The following NRDC variants were observed in gnomAD, a reference collection of about 807,000 sequenced individuals.
The protein encoded by NRDC is nardilysin convertase.
Under a neutral mutation model 147.1 loss-of-function variants are expected in NRDC, and 54 were observed. That is an observed-to-expected ratio of 0.37 (90% CI 0.29 to 0.46). The LOEUF is 0.46. NRDC is among the 20% of genes least tolerant of loss of function. NRDC has a pLI of 1.00. For synonymous variants in NRDC, 440 were observed against 482.1 expected (o/e 0.91, Z 1.14); for missense variants, 1,082 against 1,370.6 (o/e 0.79, Z 3.33).
chr1:51,822,041 TTA>T lies in NRDC; in HGVS notation c.1160-488_1160-487del, dbSNP rs146337956. On this transcript the variant is annotated intron_variant, in intron 7 of 30. Coordinates refer to ENST00000352171, the MANE Select transcript of NRDC (RefSeq NM_001101662.2). ...AACTCATAGGTCTTCTTTTTAGGCT[TTA>T]TATATATATATATCATACATATATA... Among the ~76,000 whole-genome samples, 25 of 150,732 alleles carry T rather than the reference TTA, an allele frequency of 1.7e-4. No homozygotes were observed. In the East Asian group the frequency reaches 3.3e-3, roughly 20 times the overall value.
intron 27 of NRDC, among the ~76,000 whole-genome samples, chr1:51,791,241 G>A (rs1424069993): frequency 6.6e-6 from 1 of 152,132 alleles, no homozygotes; most frequent in East Asian, 1.9e-4. Flanking sequence ...TCACAACCAT[G>A]TATGACCATT....
chr1:51,855,667 G>A (rs1318835787), intron 1 of NRDC, among the ~76,000 whole-genome samples: 1 of 151,810 alleles, frequency 6.6e-6, no homozygotes, highest in African/African-American at 2.4e-5. Flanking sequence ...AAAAATATGT[G>A]CTATACAGCC....
At chr1:51,868,236 A>C (rs957169927) in intron 1 of NRDC, among the ~76,000 whole-genome samples, 5 of 152,222 alleles carry the variant, frequency 3.3e-5, no homozygotes, top group Admixed American at 2.0e-4. Context: ...CTTGGAAAAA[A>C]AACATTGCTA....
chr1:51,790,303 G>T (rs1366089758), intron 29 of NRDC, among the ~76,000 whole-genome samples: 1 of 152,204 alleles, frequency 6.6e-6, no homozygotes, highest in Admixed American at 6.5e-5. Context: ...AAATAGAGCT[G>T]CTCTGATTGA....
At chr1:51,837,553 G>T (rs1681049203) in intron 2 of NRDC, 3 of 1,593,356 alleles carry the variant, frequency 1.9e-6, no homozygotes, top group Non-Finnish European at 2.6e-6. Context: ...AGACATTTTT[G>T]AATAAGTTGA....
intron 26 of NRDC, 148 bp downstream of exon 26, chr1:51,791,898 C>A (rs1678675082): frequency 7.0e-6 from 6 of 861,854 alleles, no homozygotes; most frequent in Non-Finnish European, 1.1e-5. Flanking sequence ...GTCAAAGATA[C>A]AAATTCCAAA....
At chr1:51,803,999 T>G in intron 19 of NRDC, 35 bp from the exon 20 acceptor site, 1 of 1,536,256 alleles carries the variant, frequency 6.5e-7, no homozygotes, top group Non-Finnish European at 8.8e-7. Flanking sequence ...CATCTTTAAT[T>G]GGTAAGAAAG....
At chr1:51,858,471 T>TAAAAAAAAAAAAAAAAAAAAAAAA (rs79682328) in intron 1 of NRDC, among the ~76,000 whole-genome samples, 1 of 122,026 alleles carries the variant, frequency 8.2e-6, no homozygotes, top group Non-Finnish European at 1.7e-5. Flanking sequence ...ACCCTGTCTT[T>TAAAAAAAAAAAAAAAAAAAAAAAA]AAAAAAAAAA....
At chr1:51,804,240 C>A (rs1410412030) in intron 19 of NRDC, among the ~76,000 whole-genome samples, 1 of 152,184 alleles carries the variant, frequency 6.6e-6, no homozygotes, top group Non-Finnish European at 1.5e-5. Flanking sequence ...TAGGCATCAG[C>A]AGCACTGGCC....
At position 51,827,893 on chromosome 1, in the gene NRDC, T is replaced by C. The variant is rs968023479; in HGVS notation, c.867-24A>G. On this transcript the variant is annotated intron_variant, in intron 4 of 30. Transcript: ENST00000352171. Reference sequence around the variant, plus strand: ...ATCTGAACAAAAAACAAAACTGGCATTTCCGTTTTTGTTCACTTTCATCAA... The same window carrying C: ...ATCTGAACAAAAAACAAAACTGGCACTTCCGTTTTTGTTCACTTTCATCAA... The C allele has an allele frequency of 3.7e-6, 6 of 1,600,092 alleles. No individual in the cohort carries two copies. The African/African-American group carries it at 5.4e-5, about 14-fold the overall frequency.
intron 1 of NRDC, among the ~76,000 whole-genome samples, chr1:51,848,511 A>G (rs1209057517): frequency 6.6e-6 from 1 of 152,056 alleles, no homozygotes; most frequent in Non-Finnish European, 1.5e-5. Context: ...ATAAGGTACA[A>G]ATATCGAAAG....
intron 1 of NRDC, among the ~76,000 whole-genome samples, chr1:51,874,111 A>C (rs1354775825): frequency 1.3e-5 from 2 of 150,748 alleles, no homozygotes; most frequent in Non-Finnish European, 3.0e-5. Context: ...TGGGCGATGA[A>C]TTGAAATCCT....
chr1:51,858,540 A>G (rs1013269022), intron 1 of NRDC, among the ~76,000 whole-genome samples: 1 of 152,146 alleles, frequency 6.6e-6, no homozygotes, highest in African/African-American at 2.4e-5. Context: ...TAAATCTGCT[A>G]AACTTTTGGC....
intron 4 of NRDC, among the ~76,000 whole-genome samples, chr1:51,830,528 T>C (rs1266133196): frequency 2.0e-5 from 3 of 152,244 alleles, no homozygotes; most frequent in Non-Finnish European, 4.4e-5. Context: ...CTACCAGTTC[T>C]GCCCATGAAG....
chr1:51,793,859 G>A (rs1176891166), intron 24 of NRDC: 1 of 152,358 alleles, frequency 6.6e-6, no homozygotes, highest in African/African-American at 2.4e-5. Flanking sequence ...CCAACCACAG[G>A]TTAAAGCAGG....
chr1:51,856,047 G>C (rs1476060794), intron 1 of NRDC, among the ~76,000 whole-genome samples: 2 of 152,150 alleles, frequency 1.3e-5, no homozygotes, highest in Non-Finnish European at 2.9e-5. Context: ...ATCCAGTGCT[G>C]ATAAGTGGAC....
At chr1:51,819,281 G>C (rs112284593) in intron 9 of NRDC, among the ~76,000 whole-genome samples, 1 of 150,060 alleles carries the variant, frequency 6.7e-6, no homozygotes, top group Non-Finnish European at 1.5e-5. Context: ...CTGGGCAACA[G>C]AGCGAGACTC....
At chr1:51,876,915 CG>C (rs1557945945) in intron 1 of NRDC, among the ~76,000 whole-genome samples, 2 of 152,302 alleles carry the variant, frequency 1.3e-5, no homozygotes, top group East Asian at 3.9e-4. Context: ...ACGGGCTGGG[CG>C]GGGTGGCTCA....
chr1:51,810,202 C>T, intron 16 of NRDC, 79 bp downstream of exon 16: 5 of 1,128,012 alleles, frequency 4.4e-6, no homozygotes, highest in Non-Finnish European at 6.1e-6. Flanking sequence ...CCCTCTAGAA[C>T]CATTAAATTA....
Sources: allele counts gnomAD v4.1 joint callset (sites outside exome capture counted in the v4.1 genomes callset), GRCh38; gene constraint gnomAD v4.1.1; transcripts MANE v1.5; gene names NCBI Gene and HGNC (gene_info 2026-07-23, HGNC 2026-07-21).